The following CACNA2D2 variants were observed in gnomAD, a reference collection of about 807,000 sequenced individuals.
CACNA2D2 encodes voltage-dependent calcium channel subunit alpha-2/delta-2.
In CACNA2D2, 48 loss-of-function variants were observed where a neutral mutation model predicts 166.4. The observed-to-expected ratio is 0.29, with a 90% CI of 0.23 to 0.37. The LOEUF (loss-of-function observed/expected upper bound fraction) is 0.37, where lower values mean the gene tolerates loss of function less well. Ranked by LOEUF, CACNA2D2 falls within the 10% of genes least tolerant of loss-of-function variation. The probability of loss-of-function intolerance (pLI) is 1.00; values close to 1 mark genes in which losing one functional copy is unlikely to be tolerated. For synonymous variants in CACNA2D2, 561 were observed against 573.7 expected (o/e 0.98, Z 0.32); for missense variants, 1,122 against 1,433.0 (o/e 0.78, Z 3.50).
intron 1 of CACNA2D2, among the ~76,000 whole-genome samples, chr3:50,502,898 G>A (rs1239663688): frequency 1.3e-5 from 2 of 152,204 alleles, no homozygotes; most frequent in African/African-American, 2.4e-5. Flanking sequence ...CCCTCTCACC[G>A]GGTCAGCGGC....
At chr3:50,398,228 G>C (rs1448408979) in intron 3 of CACNA2D2, among the ~76,000 whole-genome samples, 1 of 152,108 alleles carries the variant, frequency 6.6e-6, no homozygotes, top group Non-Finnish European at 1.5e-5. Context: ...CTGTCCCCCT[G>C]GGAGTGGTTC....
At chr3:50,484,800 C>T (rs1698209390) in intron 1 of CACNA2D2, among the ~76,000 whole-genome samples, 1 of 152,238 alleles carries the variant, frequency 6.6e-6, no homozygotes, top group Non-Finnish European at 1.5e-5. Flanking sequence ...CCTGCTCTCC[C>T]GCCTGGAAGA....
intron 24 of CACNA2D2, 54 bp downstream of exon 24, chr3:50,368,084 G>A: frequency 7.3e-7 from 1 of 1,375,634 alleles, no homozygotes; most frequent in South Asian, 1.2e-5. Flanking sequence ...CCTCTGGGCT[G>A]GCCCCATGCT....
chr3:50,478,484 T>C (rs1175275784), intron 1 of CACNA2D2, among the ~76,000 whole-genome samples: 2 of 152,220 alleles, frequency 1.3e-5, no homozygotes, highest in African/African-American at 2.4e-5. Context: ...AGCCACTCAC[T>C]GGTGTAGAGA....
chr3:50,466,047 G>C (rs757320513), intron 2 of CACNA2D2, among the ~76,000 whole-genome samples: 9 of 152,158 alleles, frequency 5.9e-5, no homozygotes, highest in Non-Finnish European at 1.3e-4. Context: ...ATGGGGACAA[G>C]GTCCTAGGTG....
Position 50,366,533 on chromosome 3 carries a change from A to C in CACNA2D2, c.2637+45T>G, listed in dbSNP as rs1005144173. ...TCGCGGCTGGGACTAGGAAGTCTGG[A>C]AGTGGGGTAAGCTAGGGTCCAGGGT... On this transcript the variant is annotated intron_variant, in intron 30 of 37. Transcript: ENST00000424201. This position sits in a 1 kb window ranked among gnomAD's most constrained non-coding sequence, Gnocchi z 5.9. The C allele has an allele frequency of 2.1e-5, 34 of 1,605,092 alleles. No homozygotes were observed. The highest frequency in any genetic ancestry group is 2.8e-5 in the Non-Finnish European group (33 of 1,171,978).
chr3:50,377,716 C>T lies in CACNA2D2; in HGVS notation c.1551+16G>A, dbSNP rs1293982555. 6.2e-7 allele frequency: 1 copy of T among 1,607,522 alleles called. No individual in the cohort carries two copies. Among genetic ancestry groups the T allele is most frequent in the African/African-American group, 1.3e-5 (1 of 74,990 alleles). ...CCCCAGGCACACCCATAGCCCCAAC[C>T]CTCCCCTTTCCTCACCTTCTTTTCC... On this transcript the variant is annotated intron_variant, in intron 16 of 37. Transcript: ENST00000424201.
intron 3 of CACNA2D2, among the ~76,000 whole-genome samples, chr3:50,397,782 C>G (rs1008820920): frequency 6.6e-6 from 1 of 152,210 alleles, no homozygotes; most frequent in Non-Finnish European, 1.5e-5. Context: ...ACTGTGTTAC[C>G]TCCCCTGGAA....
At position 50,380,590 on chromosome 3, in the gene CACNA2D2, T is replaced by C. The variant is rs911513363; in HGVS notation, c.842+158A>G. ...GCAGCTGGGAGGCCTGCCTGGGTGA[T>C]GGGATCCATTTTCCAGTGGCAACCA... is the stretch of plus-strand genomic sequence containing the variant. On this transcript the variant is annotated intron_variant, in intron 8 of 37. Coordinates refer to ENST00000424201, the MANE Select transcript of CACNA2D2 (RefSeq NM_006030.4). This position sits in a 1 kb window ranked among gnomAD's most constrained non-coding sequence, Gnocchi z 4.9. 9.9e-5 allele frequency among the ~76,000 whole-genome samples: 15 copies of C among 152,020 alleles called. No individual in the cohort carries two copies. The highest frequency in any genetic ancestry group is 2.9e-5 in the Non-Finnish European group (2 of 67,990).
At position 50,406,283 on chromosome 3, in the gene CACNA2D2, G is replaced by A. The variant is rs942375494; in HGVS notation, c.406-12115C>T. On this transcript the variant is annotated intron_variant, in intron 3 of 37. Coordinates refer to ENST00000424201, the MANE Select transcript of CACNA2D2 (RefSeq NM_006030.4). ...GGCTCATTGTCTTTTCTGTCAATTT[G>A]CATCTCATTACCCAGAAGGCTGTGC... 3.3e-5 allele frequency among the ~76,000 whole-genome samples: 5 copies of A among 151,804 alleles called. 1 individual carries two copies. The East Asian group carries it at 8.2e-4, about 25-fold the overall frequency.
At chr3:50,394,625 G>T (rs1173751823) in intron 3 of CACNA2D2, among the ~76,000 whole-genome samples, 1 of 152,210 alleles carries the variant, frequency 6.6e-6, no homozygotes, top group African/African-American at 2.4e-5. Context: ...AGGCCCATGG[G>T]CCCTCTCCCA....
chr3:50,437,426 C>T (rs1708400972), intron 2 of CACNA2D2, among the ~76,000 whole-genome samples: 1 of 152,136 alleles, frequency 6.6e-6, no homozygotes, highest in Non-Finnish European at 1.5e-5. Flanking sequence ...GAGCAGAATC[C>T]CAGAAGTGCA....
At chr3:50,449,188 C>T (rs1014387752) in intron 2 of CACNA2D2, among the ~76,000 whole-genome samples, 5 of 152,210 alleles carry the variant, frequency 3.3e-5, no homozygotes, top group Non-Finnish European at 7.3e-5. Context: ...AACAAACCCT[C>T]GGCTGCCTCA....
rs146802085 is a variant in CACNA2D2, at chr3:50,408,574, C to T, written c.406-14406G>A. ...TGCATCCTGCTGCTGCAATCAGCCTCGACACTTGGTTATTACGAGGAGTAA... is the reference window on the plus strand; with the variant it reads ...TGCATCCTGCTGCTGCAATCAGCCTTGACACTTGGTTATTACGAGGAGTAA... On this transcript the variant is annotated intron_variant, in intron 3 of 37. Coordinates refer to ENST00000424201, the MANE Select transcript of CACNA2D2 (RefSeq NM_006030.4). Among the ~76,000 whole-genome samples the T allele has an allele frequency of 4.1e-4, 62 of 152,314 alleles. 1 individual carries two copies. In the South Asian group the frequency reaches 8.3e-3, roughly 20 times the overall value.
At chr3:50,476,968 C>T (rs1210067110) in intron 1 of CACNA2D2, among the ~76,000 whole-genome samples, 5 of 145,166 alleles carry the variant, frequency 3.4e-5, no homozygotes, top group African/African-American at 1.0e-4. Context: ...CTCGATCTGT[C>T]GCCCAGGCTG....
intron 1 of CACNA2D2, among the ~76,000 whole-genome samples, chr3:50,490,431 C>G (rs1295944564): frequency 1.3e-5 from 2 of 152,186 alleles, no homozygotes; most frequent in Non-Finnish European, 2.9e-5. Context: ...ATGCTAATGC[C>G]TGGACCCTGC....
At chr3:50,457,836 G>T (rs1709429201) in intron 2 of CACNA2D2, among the ~76,000 whole-genome samples, 1 of 152,174 alleles carries the variant, frequency 6.6e-6, no homozygotes, top group South Asian at 2.1e-4. Context: ...CTCAGCTTCA[G>T]AAGAAGCTCA....
chr3:50,403,392 T>C (rs1706543680), intron 3 of CACNA2D2, among the ~76,000 whole-genome samples: 1 of 152,174 alleles, frequency 6.6e-6, no homozygotes, highest in African/African-American at 2.4e-5. Flanking sequence ...TGTTTTCTTC[T>C]TCAGTTTATG....
At chr3:50,373,639 GGA>G (rs1250297756) in intron 22 of CACNA2D2, among the ~76,000 whole-genome samples, 2 of 111,614 alleles carry the variant, frequency 1.8e-5, no homozygotes, top group East Asian at 6.4e-4. Flanking sequence ...GCTGGGGTGG[GGA>G]GAGCGGGAGG....
Sources: allele counts gnomAD v4.1 joint callset (sites outside exome capture counted in the v4.1 genomes callset), GRCh38; gene constraint gnomAD v4.1.1; non-coding constraint Gnocchi (gnomAD v3.1); transcripts MANE v1.5; gene names NCBI Gene and HGNC (gene_info 2026-07-23, HGNC 2026-07-21).